The following TIAM1 variants were observed in gnomAD, a reference collection of about 807,000 sequenced individuals.
TIAM1 encodes TIAM Rac1 associated GEF 1, also known as rho guanine nucleotide exchange factor TIAM1.
TIAM1 carries 65 observed loss-of-function variants against 163.5 expected under a neutral mutation model. That is an observed-to-expected ratio of 0.40 (90% confidence interval 0.33 to 0.49). TIAM1 has a LOEUF of 0.49. TIAM1 is among the 20% of genes least tolerant of loss of function. TIAM1 has a pLI of 0.77. For missense variants in TIAM1, 1,789 were observed against 2,044.7 expected (o/e 0.87, Z 2.41); for synonymous variants, 833 against 810.1 (o/e 1.03, Z -0.48).
chr21:31,341,117 T>C (rs1291942675), intron 1 of TIAM1, among the ~76,000 whole-genome samples: 1 of 152,172 alleles, frequency 6.6e-6, no homozygotes, highest in African/African-American at 2.4e-5. Flanking sequence ...AAAATACTAA[T>C]CGTTACACTG....
upstream of TIAM1, among the ~76,000 whole-genome samples, chr21:31,347,545 G>A (rs933584851): frequency 1.3e-5 from 2 of 152,314 alleles, no homozygotes; most frequent in South Asian, 2.1e-4. Context: ...AAATGTGAAC[G>A]CAGGTCCGAG....
At chr21:31,224,932 C>CT in intron 7 of TIAM1, among the ~76,000 whole-genome samples, 1 of 152,030 alleles carries the variant, frequency 6.6e-6, no homozygotes, top group Non-Finnish European at 1.5e-5. Flanking sequence ...TTCACTAAAT[C>CT]TTTTTTCTTT....
intron 1 of TIAM1, among the ~76,000 whole-genome samples, chr21:31,526,783 C>A (rs1281661247): frequency 6.6e-6 from 1 of 152,154 alleles, no homozygotes; most frequent in Non-Finnish European, 1.5e-5. Flanking sequence ...CTCACTAAAA[C>A]CTCCGCCTCC....
intron 1 of TIAM1, among the ~76,000 whole-genome samples, chr21:31,341,670 ACAG>A (rs759885136): frequency 1.2e-3 from 186 of 152,310 alleles, no homozygotes; most frequent in Non-Finnish European, 1.6e-3. Flanking sequence ...GTGTTCACAA[ACAG>A]AAAGTATATT....
At position 31,415,597 on chromosome 21, in the gene TIAM1, G is replaced by A. The variant is rs180867124; in HGVS notation, c.-369+48386C>T. 3.1e-3 allele frequency among the ~76,000 whole-genome samples: 477 copies of A among 152,118 alleles called. 1 individual carries two copies. Among genetic ancestry groups the A allele is most frequent in the Non-Finnish European group, 5.7e-3 (385 of 68,000 alleles). The stretch of plus-strand genomic sequence containing the variant: ...TTCACCCAGCTTGCTTTTCTCTGTC[G>A]CCACAATTTTTCTCTCCTTTACTTC... On this transcript the variant is annotated intron_variant, in intron 2 of 28. Coordinates refer to the TIAM1 transcript ENST00000286827.
At chr21:31,175,643 G>A (rs1395607987) in intron 15 of TIAM1, among the ~76,000 whole-genome samples, 2 of 152,028 alleles carry the variant, frequency 1.3e-5, no homozygotes, top group Admixed American at 6.6e-5. Context: ...CTGTCGCCCA[G>A]GCTGGAATGC....
At chr21:31,382,169 C>T (rs2076789160) in intron 2 of TIAM1, among the ~76,000 whole-genome samples, 1 of 152,202 alleles carries the variant, frequency 6.6e-6, no homozygotes, top group South Asian at 2.1e-4. Flanking sequence ...ATAAGCACAT[C>T]TCCCATGCAA....
intron 2 of TIAM1, among the ~76,000 whole-genome samples, chr21:31,364,509 T>C (rs1007661778): frequency 1.3e-5 from 2 of 152,062 alleles, no homozygotes; most frequent in Admixed American, 1.3e-4. Flanking sequence ...AAGGTTATAT[T>C]TGAGCATGTG....
At chr21:31,372,481 A>C (rs1302748350) in intron 2 of TIAM1, among the ~76,000 whole-genome samples, 1 of 152,186 alleles carries the variant, frequency 6.6e-6, no homozygotes, top group African/African-American at 2.4e-5. Context: ...GCTCAGCCGG[A>C]ACCTAAGAAC....
chr21:31,144,552 G>A (rs1055298328), intron 20 of TIAM1, among the ~76,000 whole-genome samples: 1 of 152,056 alleles, frequency 6.6e-6, no homozygotes, highest in Non-Finnish European at 1.5e-5. Context: ...GGTCAGCTGG[G>A]CATGGTGGAT....
At chr21:31,452,920 G>T (rs2044924097) in intron 2 of TIAM1, 21 of 514,314 alleles carry the variant, frequency 4.1e-5, no homozygotes, top group South Asian at 3.1e-4. Flanking sequence ...CTAGATATTG[G>T]GAGAAACAAA....
intron 15 of TIAM1, among the ~76,000 whole-genome samples, chr21:31,178,303 C>CTTTTTTTTTTTTTTTTTTTT (rs10671534): frequency 1.0e-5 from 1 of 96,094 alleles, no homozygotes; most frequent in Non-Finnish European, 1.9e-5. Flanking sequence ...TTCAGGAATT[C>CTTTTTTTTTTTTTTTTTTTT]TTTTTTTTTT....
Position 31,266,921 on chromosome 21 carries a change from G to T in TIAM1, c.52C>A (p.His18Asn). The change falls in exon 4 of 28, where the codon CAT becomes AAT. Residue 18 changes from histidine to asparagine, a missense_variant. Physicochemically the swap from His to Asn is moderately conservative, Grantham distance 68. Around this residue, in one of 5 missense-constraint regions of TIAM1, gnomAD observed 555 missense variants for 564.9 expected, o/e 0.98. Transcript: ENST00000541036. ...HVEHEFYGEK[H>N]ASLGRKHTSR... ...GTGTGCTTGCGCCCCAGGCTGGCATGCTTTTCTCCATAAAACTCGTGCTCT... is the reference window on the plus strand; with the variant it reads ...GTGTGCTTGCGCCCCAGGCTGGCATTCTTTTCTCCATAAAACTCGTGCTCT... The T allele has an allele frequency of 2.5e-6, 4 of 1,611,428 alleles. No individual in the cohort carries two copies. The South Asian group carries it at 4.4e-5, about 18-fold the overall frequency.
At position 31,120,342 on chromosome 21, in the gene TIAM1, C is replaced by A. The variant is rs2081950480; in HGVS notation, c.*26G>T. The A allele has an allele frequency of 1.3e-6, 2 of 1,575,620 alleles. No individual in the cohort carries two copies. The highest frequency in any genetic ancestry group is 2.7e-5 in the African/African-American group (2 of 74,220). ...AGTTAGGGCAGGAAGTATCTACACA[C>A]ATTCTCTACGGGGCAGGTGACGCAG... On this transcript the variant is annotated 3_prime_UTR_variant, in exon 28 of 28. Transcript: ENST00000541036. The surrounding 1 kb of genome is among the most constrained non-coding windows in gnomAD (Gnocchi z 4.2).
chr21:31,418,371 T>G (rs2043449055), intron 2 of TIAM1, among the ~76,000 whole-genome samples: 2 of 142,388 alleles, frequency 1.4e-5, no homozygotes, highest in Admixed American at 7.1e-5. Flanking sequence ...AAAAAAAAGT[T>G]GCCCTCTGGC....
At chr21:31,365,379 A>ATTTC (rs200441629) in intron 2 of TIAM1, among the ~76,000 whole-genome samples, 26,302 of 125,878 alleles carry the variant, frequency 0.21, 2,733 homozygotes, top group Middle Eastern at 0.32. Context: ...TGTCTCACTT[A>ATTTC]TTTCTTTCTT....
intron 6 of TIAM1, among the ~76,000 whole-genome samples, chr21:31,232,642 A>C (rs2088505279): frequency 6.6e-6 from 1 of 152,150 alleles, no homozygotes; most frequent in African/African-American, 2.4e-5. Flanking sequence ...TCCAGGATTT[A>C]AATTCTGACA....
intron 2 of TIAM1, among the ~76,000 whole-genome samples, chr21:31,300,419 G>A (rs1418645340): frequency 2.0e-5 from 3 of 152,218 alleles, no homozygotes. Flanking sequence ...AATGCTCTCT[G>A]AAATTAGTGC....
intron 1 of TIAM1, among the ~76,000 whole-genome samples, chr21:31,491,602 T>C (rs1410340146): frequency 6.6e-6 from 1 of 152,212 alleles, no homozygotes; most frequent in Non-Finnish European, 1.5e-5. Context: ...GCTGACCAAC[T>C]GATATCTTTT....
Sources: gnomAD v4.1 joint callset for allele counts (sites outside exome capture counted in the v4.1 genomes callset) on GRCh38, gnomAD v4.1.1 for gene constraint, gnomAD v4.1.1 regional missense constraint, Gnocchi (gnomAD v3.1) non-coding constraint, MANE v1.5 for transcripts, NCBI Gene and HGNC (gene_info 2026-07-23, HGNC 2026-07-21) for gene names.